The following AIG1 variants were observed in gnomAD, a reference collection of about 807,000 sequenced individuals.
AIG1 encodes androgen induced 1, also known as androgen-induced gene 1 protein.
In AIG1, 23 loss-of-function variants were observed where a neutral mutation model predicts 31.4. The observed-to-expected ratio is 0.73, with a 90% CI of 0.53 to 1.04. The LOEUF (loss-of-function observed/expected upper bound fraction) is 1.04. Among genes scored for constraint, AIG1 ranks in the 50% least tolerant of loss-of-function variants. The probability of loss-of-function intolerance (pLI) is 0.00; values close to 1 mark genes in which losing one functional copy is unlikely to be tolerated. For missense variants in AIG1, 274 were observed against 295.0 expected, an observed-to-expected ratio of 0.93 and a Z score of 0.52; for synonymous variants, 100 against 110.5, an observed-to-expected ratio of 0.90 and a Z score of 0.60.
intron 4 of AIG1, among the ~76,000 whole-genome samples, chr6:143,306,953 A>C (rs1799357244): frequency 6.6e-6 from 1 of 151,884 alleles, no homozygotes; most frequent in Non-Finnish European, 1.5e-5. Flanking sequence ...CATTCATTTC[A>C]TCTTCCATCA....
At position 143,325,305 on chromosome 6, in the gene AIG1, A is replaced by G. The variant is rs1038043721; in HGVS notation, c.516-7977A>G. On this transcript the variant is annotated intron_variant, in intron 4 of 5. Transcript: ENST00000357847. This position sits in a 1 kb window ranked among gnomAD's most constrained non-coding sequence, Gnocchi z 4.3. The stretch of plus-strand genomic sequence containing the variant: ...TTTTCCAAGGCCCTTTCATGGGCCC[A>G]CTTCCTTCAGACCCTGTACTCTTCC... 6.7e-6 allele frequency among the ~76,000 whole-genome samples: 1 copy of G among 149,678 alleles called. No individual in the cohort carries two copies. The highest frequency in any genetic ancestry group is 6.6e-5 in the Admixed American group (1 of 15,194).
At chr6:143,233,593 AAAAG>A (rs1793609590) in intron 3 of AIG1, among the ~76,000 whole-genome samples, 2 of 145,592 alleles carry the variant, frequency 1.4e-5, no homozygotes, top group Non-Finnish European at 3.0e-5. Flanking sequence ...AAAAAAAAAG[AAAAG>A]AAAAGAAAAG....
At chr6:143,161,595 A>G (rs1786388909) in intron 2 of AIG1, among the ~76,000 whole-genome samples, 1 of 151,188 alleles carries the variant, frequency 6.6e-6, no homozygotes, top group Non-Finnish European at 1.5e-5. Flanking sequence ...ATAAATTATC[A>G]TATATGATGA....
chr6:143,273,550 C>T (rs1476922234), intron 3 of AIG1, among the ~76,000 whole-genome samples: 5 of 152,140 alleles, frequency 3.3e-5, no homozygotes, highest in African/African-American at 4.8e-5. Flanking sequence ...AGTCCATTTT[C>T]ACGCTGCTGA....
At chr6:143,074,388 G>T (rs59260853) in intron 1 of AIG1, among the ~76,000 whole-genome samples, 4,860 of 152,228 alleles carry the variant, frequency 0.032, 234 homozygotes, top group African/African-American at 0.1. Context: ...GCCTTACATT[G>T]ATGTCGATTA....
At chr6:143,100,932 G>A (rs917922157) in intron 1 of AIG1, among the ~76,000 whole-genome samples, 15 of 152,018 alleles carry the variant, frequency 9.9e-5, no homozygotes, top group Non-Finnish European at 1.6e-4. Context: ...TGATCCACCC[G>A]CCTCGGCCTC....
chr6:143,126,260 C>T (rs187166763), intron 1 of AIG1: 1 of 152,342 alleles, frequency 6.6e-6, no homozygotes, highest in East Asian at 1.9e-4. Context: ...GCATTGATTT[C>T]TCTACGGAGT....
upstream of AIG1, among the ~76,000 whole-genome samples, chr6:143,059,305 A>G (rs1583023487): frequency 1.3e-5 from 2 of 152,180 alleles, no homozygotes; most frequent in East Asian, 1.9e-4. Flanking sequence ...GGTCTGTGCC[A>G]TCTTTAAGAG....
In AIG1 at chr6:143,298,068, A is replaced by ATGC. The variant is rs1798565868; in HGVS notation, c.515+13843_515+13844insTGC. On this transcript the variant is annotated intron_variant, in intron 4 of 5. Transcript: ENST00000357847. This position sits in a 1 kb window ranked among gnomAD's most constrained non-coding sequence, Gnocchi z 5.1. Reference sequence around the variant, plus strand: ...TTTAGCCCTGTGACATTCTGCTGCAAAAAAAAAAAACATTGGATAAGAAAG... The same window carrying ATGC: ...TTTAGCCCTGTGACATTCTGCTGCAATGCAAAAAAAAAACATTGGATAAGAAAG... Among the ~76,000 whole-genome samples, 1 of 85,266 alleles carries ATGC rather than the reference A, an allele frequency of 1.2e-5. No individual in the cohort carries two copies. Among genetic ancestry groups the ATGC allele is most frequent in the Non-Finnish European group, 2.1e-5 (1 of 47,474 alleles). 55.9% of individuals were successfully genotyped at this position (85,266 alleles called of 152,430 possible). A position where few individuals can be genotyped will look rare whatever the true frequency, so the allele number is the denominator to read the frequency against.
chr6:143,182,520 A>G lies in AIG1; in HGVS notation c.399+17337A>G, dbSNP rs190391013. ...TAGTTCACTTCTCTACCTCCTCCTC[A>G]CCTTTTTAGTAATACCTACCCCGAG... On this transcript the variant is annotated intron_variant, in intron 3 of 5. Transcript: ENST00000357847. Among the ~76,000 whole-genome samples the G allele has an allele frequency of 2.8e-3, 429 of 151,798 alleles. 1 individual carries two copies. Among genetic ancestry groups the G allele is most frequent in the African/African-American group, 0.01 (418 of 41,350 alleles).
chr6:143,202,120 G>A (rs1358106896), intron 3 of AIG1, among the ~76,000 whole-genome samples: 2 of 152,092 alleles, frequency 1.3e-5, no homozygotes, highest in Non-Finnish European at 2.9e-5. Context: ...TCGTGTTGCC[G>A]AGAAACGACT....
At chr6:143,317,713 T>G (rs1430148081) in intron 4 of AIG1, among the ~76,000 whole-genome samples, 1 of 150,264 alleles carries the variant, frequency 6.7e-6, no homozygotes, top group Non-Finnish European at 1.5e-5. Flanking sequence ...TGTCACTGTT[T>G]GCTGATGATA....
chr6:143,275,168 A>G (rs922409706), intron 3 of AIG1, among the ~76,000 whole-genome samples: 3 of 152,164 alleles, frequency 2.0e-5, no homozygotes, highest in Non-Finnish European at 2.9e-5. Context: ...GAAAGGGGGA[A>G]ATTGTAGGTG....
chr6:143,341,976 A>G (rs537619883), downstream of AIG1, among the ~76,000 whole-genome samples: 5 of 152,264 alleles, frequency 3.3e-5, no homozygotes, highest in African/African-American at 9.6e-5. Context: ...CCCAGGCTGG[A>G]GTGCAATGGC....
chr6:143,179,061 T>C (rs1018427874), intron 3 of AIG1, among the ~76,000 whole-genome samples: 3 of 151,966 alleles, frequency 2.0e-5, no homozygotes, highest in Admixed American at 1.3e-4. Flanking sequence ...AGTGCCTTTA[T>C]TGGGGGCTTG....
Position 143,220,462 on chromosome 6 carries a change from G to T in AIG1, c.399+55279G>T, listed in dbSNP as rs142353990. Among the ~76,000 whole-genome samples, 21 of 152,248 alleles carry T rather than the reference G, an allele frequency of 1.4e-4. No homozygotes were observed. In the East Asian group the frequency reaches 4.1e-3, roughly 29 times the overall value. ...AACTTGTGAATGAAAGAATGAACACGAGACGTTGATATTATAATCTCTATC... is the reference window on the plus strand; with the variant it reads ...AACTTGTGAATGAAAGAATGAACACTAGACGTTGATATTATAATCTCTATC... On this transcript the variant is annotated intron_variant, in intron 3 of 5. Coordinates refer to ENST00000357847, the MANE Select transcript of AIG1 (RefSeq NM_016108.4).
At chr6:143,163,952 C>A (rs1246292204) in intron 2 of AIG1, among the ~76,000 whole-genome samples, 3 of 152,182 alleles carry the variant, frequency 2.0e-5, no homozygotes, top group African/African-American at 7.2e-5. Context: ...TCACTGCCCA[C>A]TGCCATGAAA....
At chr6:143,187,546 T>C (rs1411372648) in intron 3 of AIG1, 3 of 1,535,940 alleles carry the variant, frequency 2.0e-6, no homozygotes, top group East Asian at 2.4e-5. Context: ...GGTAGGCCTG[T>C]AATATTTGCA....
At chr6:143,217,554 G>T (rs1792123668) in intron 3 of AIG1, among the ~76,000 whole-genome samples, 1 of 152,080 alleles carries the variant, frequency 6.6e-6, no homozygotes, top group South Asian at 2.1e-4. Flanking sequence ...TGTCGCCCAG[G>T]CTGGAGTGGA....
Sources: gnomAD v4.1 joint callset for allele counts (sites outside exome capture counted in the v4.1 genomes callset) on GRCh38, gnomAD v4.1.1 for gene constraint, Gnocchi (gnomAD v3.1) non-coding constraint, MANE v1.5 for transcripts, NCBI Gene and HGNC (gene_info 2026-07-23, HGNC 2026-07-21) for gene names.